The following CNTN4 variants were observed in gnomAD, a reference collection of about 807,000 sequenced individuals.
The protein encoded by CNTN4 is contactin 4.
CNTN4 carries 77 observed loss-of-function variants against 122.5 expected under a neutral mutation model. That is an observed-to-expected ratio of 0.63 (90% CI 0.52 to 0.76). The LOEUF is 0.76. Ranked by LOEUF, CNTN4 falls within the 30% of genes least tolerant of loss-of-function variation. The pLI is 0.00. For missense variants in CNTN4, 1,256 were observed against 1,259.1 expected (o/e 1.00, Z 0.04); for synonymous variants, 512 against 447.0 (o/e 1.15, Z -1.83).
intron 3 of CNTN4, among the ~76,000 whole-genome samples, chr3:2,406,604 A>C (rs1474400784): frequency 6.6e-6 from 1 of 152,106 alleles, no homozygotes; most frequent in Non-Finnish European, 1.5e-5. Flanking sequence ...GTAATTTTTT[A>C]AAATATAAAG....
intron 3 of CNTN4, among the ~76,000 whole-genome samples, chr3:2,387,556 A>G (rs74884274): frequency 1.3e-5 from 2 of 152,112 alleles, no homozygotes; most frequent in African/African-American, 4.8e-5. Flanking sequence ...CTATTTGGTT[A>G]CTTAATACAT....
chr3:2,768,990 A>G (rs1172090967), intron 6 of CNTN4, among the ~76,000 whole-genome samples: 1 of 152,200 alleles, frequency 6.6e-6, no homozygotes, highest in Non-Finnish European at 1.5e-5. Flanking sequence ...TCATTGTACC[A>G]TATCTTCATT....
At chr3:2,285,484 T>C (rs947290536) in intron 2 of CNTN4, among the ~76,000 whole-genome samples, 35 of 152,264 alleles carry the variant, frequency 2.3e-4, no homozygotes, top group African/African-American at 8.4e-4. Context: ...TTTTTTCTTC[T>C]TCCTCTCCCT....
intron 3 of CNTN4, among the ~76,000 whole-genome samples, chr3:2,396,656 G>GTTTTT (rs752074730): frequency 0.063 from 9,108 of 145,010 alleles, 419 homozygotes; most frequent in Non-Finnish European, 0.093. Context: ...TTATGTCTGG[G>GTTTTT]TTTTTTTTTT....
intron 5 of CNTN4, 66 bp downstream of exon 5, chr3:2,736,407 T>C: frequency 7.8e-7 from 1 of 1,280,476 alleles, no homozygotes; most frequent in Non-Finnish European, 1.1e-6. Context: ...AACAAATACT[T>C]ATACAATGCT....
chr3:2,198,860 G>A (rs1275353573), intron 2 of CNTN4, among the ~76,000 whole-genome samples: 1 of 152,130 alleles, frequency 6.6e-6, no homozygotes, highest in Non-Finnish European at 1.5e-5. Context: ...CTAGTTTTAT[G>A]TTCTCATCCC....
intron 2 of CNTN4, among the ~76,000 whole-genome samples, chr3:2,127,516 T>C (rs2034235167): frequency 6.6e-6 from 1 of 152,116 alleles, no homozygotes; most frequent in East Asian, 1.9e-4. Flanking sequence ...TAGTCTCTTT[T>C]CTCTATTACT....
chr3:2,983,375 G>T (rs1694241126), intron 13 of CNTN4, among the ~76,000 whole-genome samples: 1 of 151,650 alleles, frequency 6.6e-6, no homozygotes, highest in African/African-American at 2.4e-5. Context: ...GCATCATAAT[G>T]TGTTGTAGGA....
chr3:2,367,338 G>A (rs2045430807), intron 3 of CNTN4, among the ~76,000 whole-genome samples: 1 of 152,094 alleles, frequency 6.6e-6, no homozygotes, highest in Non-Finnish European at 1.5e-5. Context: ...TACTAGTGCT[G>A]TATTTGTAAG....
chr3:2,206,096 T>C (rs1036932060), intron 2 of CNTN4, among the ~76,000 whole-genome samples: 1 of 152,106 alleles, frequency 6.6e-6, no homozygotes, highest in East Asian at 1.9e-4. Context: ...TACAATGTTC[T>C]TTTTCCTTCC....
chr3:2,698,743 C>G lies in CNTN4; in HGVS notation c.56-37472C>G, dbSNP rs184766030. Among the ~76,000 whole-genome samples, 109 of 152,304 alleles carry G rather than the reference C, an allele frequency of 7.2e-4. 1 individual carries two copies. Among genetic ancestry groups the G allele is most frequent in the Non-Finnish European group, 1.4e-3 (92 of 68,026 alleles). ...TGTAAAAATAGCCATTTCTACATGG[C>G]AGAGTCTGTTTTAAGAGCCTGGCCA... On this transcript the variant is annotated intron_variant, in intron 4 of 24. Transcript: ENST00000418658.
At chr3:2,779,126 T>G (rs1468687352) in intron 6 of CNTN4, among the ~76,000 whole-genome samples, 1 of 152,178 alleles carries the variant, frequency 6.6e-6, no homozygotes, top group Non-Finnish European at 1.5e-5. Context: ...TTTTTATGAT[T>G]TTTATCTGGT....
At chr3:2,362,434 G>T in intron 3 of CNTN4, 1 of 391,148 alleles carries the variant, frequency 2.6e-6, no homozygotes, top group Non-Finnish European at 5.0e-6. Flanking sequence ...TGGGATCCTG[G>T]ACCATCGCCT....
chr3:3,043,065 T>TA lies in CNTN4; in HGVS notation c.2604dup (p.Gly869ArgfsTer13). ...CAGACATCAACAAAAATCACGAACT[T>TA]AAAAGGCAGTGTGCTGTATCACTTA... is the stretch of plus-strand genomic sequence containing the variant. On this transcript the variant is annotated frameshift_variant, in exon 22 of 25. Coordinates refer to ENST00000418658, the MANE Select transcript of CNTN4 (RefSeq NM_175607.3). LOFTEE classifies it high-confidence loss of function. 6.2e-7 allele frequency: 1 copy of TA among 1,614,118 alleles called. No individual in the cohort carries two copies.
chr3:2,768,077 C>G (rs2090940862), intron 6 of CNTN4, among the ~76,000 whole-genome samples: 1 of 152,160 alleles, frequency 6.6e-6, no homozygotes, highest in African/African-American at 2.4e-5. Context: ...TAGAGATGAA[C>G]AAATGTTTTA....
chr3:3,011,469 C>A (rs1356033005), intron 14 of CNTN4, among the ~76,000 whole-genome samples: 3 of 152,150 alleles, frequency 2.0e-5, no homozygotes, highest in Admixed American at 6.5e-5. Flanking sequence ...GCATGATAAT[C>A]CCTTGACTTG....
chr3:2,756,512 T>C (rs905775995), intron 6 of CNTN4, among the ~76,000 whole-genome samples: 4 of 152,198 alleles, frequency 2.6e-5, no homozygotes, highest in African/African-American at 9.6e-5. Context: ...TCCCAGTCTA[T>C]TGTGTTATAG....
chr3:2,369,112 A>G (rs968392031), intron 3 of CNTN4, among the ~76,000 whole-genome samples: 3 of 151,994 alleles, frequency 2.0e-5, no homozygotes, highest in Non-Finnish European at 4.4e-5. Context: ...TTTAGTAGAG[A>G]CACAGTTTAA....
chr3:2,815,469 T>C (rs1328450842), intron 6 of CNTN4, among the ~76,000 whole-genome samples: 1 of 151,998 alleles, frequency 6.6e-6, no homozygotes, highest in African/African-American at 2.4e-5. Context: ...GATATGCAAA[T>C]AGCCAAAAAA....
Sources: allele counts gnomAD v4.1 joint callset (sites outside exome capture counted in the v4.1 genomes callset), GRCh38; gene constraint gnomAD v4.1.1; transcripts MANE v1.5; gene names NCBI Gene and HGNC (gene_info 2026-07-23, HGNC 2026-07-21).